DCP2: variants seen among roughly 807,000 people sequenced by gnomAD.
DCP2 encodes decapping mRNA 2.
DCP2 carries 30 observed loss-of-function variants against 56.1 expected under a neutral mutation model. The observed-to-expected ratio is 0.53, with a 90% CI of 0.40 to 0.73. The LOEUF is 0.73. Ranked by LOEUF, DCP2 falls within the 30% of genes least tolerant of loss-of-function variation. DCP2 has a pLI of 0.00. For synonymous variants in DCP2, 197 were observed against 163.3 expected (o/e 1.21, Z -1.57); for missense variants, 533 against 502.7 (o/e 1.06, Z -0.58).
At chr5:112,980,959 C>G (rs1207068797) in intron 1 of DCP2, among the ~76,000 whole-genome samples, 1 of 151,360 alleles carries the variant, frequency 6.6e-6, no homozygotes, top group African/African-American at 2.4e-5. Flanking sequence ...CACTATTGCC[C>G]CCATCTTACT....
chr5:113,017,485 G>A lies in DCP2; in HGVS notation c.*4001G>A, dbSNP rs1403146755. On this transcript the variant is annotated 3_prime_UTR_variant, in exon 11 of 11. Coordinates refer to ENST00000389063, the MANE Select transcript of DCP2 (RefSeq NM_152624.6). ...TCTAGTTGCCAAAAGTTCTAAAAAT[G>A]AGATGGTGGGCTTTCTCAGCATCTT... The A allele has an allele frequency of 2.0e-5, 3 of 152,160 alleles. No individual in the cohort carries two copies. Among genetic ancestry groups the A allele is most frequent in the Non-Finnish European group, 4.4e-5 (3 of 68,024 alleles). 9.4% of individuals were successfully genotyped at this position (152,160 alleles called of 1,614,324 possible).
At chr5:112,989,685 A>G (rs1748491701) in intron 2 of DCP2, among the ~76,000 whole-genome samples, 1 of 152,236 alleles carries the variant, frequency 6.6e-6, no homozygotes, top group Admixed American at 6.5e-5. Context: ...AACTGCCATC[A>G]TACCCTTCAT....
At chr5:113,000,606 G>C (rs2150183308) in intron 4 of DCP2, among the ~76,000 whole-genome samples, 1 of 152,254 alleles carries the variant, frequency 6.6e-6, no homozygotes, top group African/African-American at 2.4e-5. Flanking sequence ...TCAAGCAGTA[G>C]ATTAGACCTT....
intron 4 of DCP2, among the ~76,000 whole-genome samples, chr5:112,995,181 A>G (rs1748792568): frequency 6.6e-6 from 1 of 152,208 alleles, no homozygotes; most frequent in Non-Finnish European, 1.5e-5. Context: ...TATTTACAAC[A>G]GCCTATAGAC....
At chr5:113,002,491 C>T (rs566452688) in intron 7 of DCP2, among the ~76,000 whole-genome samples, 92 of 151,762 alleles carry the variant, frequency 6.1e-4, no homozygotes, top group South Asian at 5.2e-3. Context: ...GGACATAAAC[C>T]GTGAAGAACA....
intron 8 of DCP2, among the ~76,000 whole-genome samples, chr5:113,004,476 T>C (rs1245105227): frequency 6.6e-6 from 1 of 152,252 alleles, no homozygotes; most frequent in East Asian, 1.9e-4. Context: ...TAATACTTGT[T>C]TTCCTTTTTT....
chr5:112,992,049 TGG>T, intron 2 of DCP2, 70 bp from the exon 3 acceptor site: 1 of 1,550,350 alleles, frequency 6.5e-7, no homozygotes, highest in Non-Finnish European at 8.8e-7. Context: ...TTGATTTAAA[TGG>T]GTCTCTTTCT....
intron 2 of DCP2, among the ~76,000 whole-genome samples, chr5:112,989,763 A>T (rs1748495925): frequency 6.6e-6 from 1 of 152,184 alleles, no homozygotes; most frequent in Non-Finnish European, 1.5e-5. Flanking sequence ...ATTTTTCAAG[A>T]CTGCTGTGAA....
At position 113,013,493 on chromosome 5, in the gene DCP2, C is replaced by G. The variant is rs764522478; in HGVS notation, c.*9C>G. ...AAATCTTGGACCTTTGATAGCAGCA[C>G]ATGTATTGTAAATGTCCCAGGATCA... On this transcript the variant is annotated 3_prime_UTR_variant, in exon 11 of 11. Coordinates refer to ENST00000389063, the MANE Select transcript of DCP2 (RefSeq NM_152624.6). 2 of 1,613,438 alleles carry G rather than the reference C, an allele frequency of 1.2e-6. No individual in the cohort carries two copies. Among genetic ancestry groups the G allele is most frequent in the Non-Finnish European group, 1.7e-6 (2 of 1,179,736 alleles).
chr5:113,000,984 C>A, intron 4 of DCP2, 100 bp from the exon 5 acceptor site: 2 of 1,140,628 alleles, frequency 1.8e-6, no homozygotes, highest in South Asian at 1.7e-5. Flanking sequence ...AAATACAAGT[C>A]ATGTCCCCTT....
At chr5:113,001,883 C>G (rs564390287) in intron 7 of DCP2, among the ~76,000 whole-genome samples, 12 of 152,102 alleles carry the variant, frequency 7.9e-5, no homozygotes, top group African/African-American at 2.9e-4. Context: ...CTTCAGGCAC[C>G]TTTTAAAATA....
In DCP2 at chr5:113,013,723, T is replaced by A. The variant is rs1749773490; in HGVS notation, c.*239T>A. 4 of 410,774 alleles carry A rather than the reference T, an allele frequency of 9.7e-6. No homozygotes were observed. The highest frequency in any genetic ancestry group is 1.1e-4 in the South Asian group (2 of 18,918). 25.4% of individuals were successfully genotyped at this position (410,774 alleles called of 1,614,324 possible). A position where few individuals can be genotyped will look rare whatever the true frequency, so the allele number is the denominator to read the frequency against. On this transcript the variant is annotated 3_prime_UTR_variant, in exon 11 of 11. Coordinates refer to ENST00000389063, the MANE Select transcript of DCP2 (RefSeq NM_152624.6). Reference sequence around the variant, plus strand: ...TCAGTACAAGTTTAAGTTGCTTTCTTTGAGGGCATTTATTCTGTGTGACTG... The same window carrying A: ...TCAGTACAAGTTTAAGTTGCTTTCTATGAGGGCATTTATTCTGTGTGACTG...
chr5:113,012,735 C>T (rs1749729146), intron 10 of DCP2, among the ~76,000 whole-genome samples: 1 of 152,206 alleles, frequency 6.6e-6, no homozygotes, highest in Non-Finnish European at 1.5e-5. Flanking sequence ...CCTCCGCCTC[C>T]TGGGTACAAG....
Position 112,999,226 on chromosome 5 carries a change from C to G in DCP2, c.433-1858C>G, listed in dbSNP as rs75042438. Among the ~76,000 whole-genome samples the G allele has an allele frequency of 2.0e-3, 302 of 152,248 alleles. 6 individuals carry two copies. Among genetic ancestry groups the G allele is most frequent in the African/African-American group, 6.9e-3 (285 of 41,546 alleles). The stretch of plus-strand genomic sequence containing the variant: ...AGATTCATATGACTAGCTATGTATA[C>G]TTATTTCTGATTTTTGAGGCATTAT... On this transcript the variant is annotated intron_variant, in intron 4 of 10. Coordinates refer to ENST00000389063, the MANE Select transcript of DCP2 (RefSeq NM_152624.6).
chr5:112,982,264 C>G (rs564584278), intron 1 of DCP2, among the ~76,000 whole-genome samples: 1 of 152,130 alleles, frequency 6.6e-6, no homozygotes, highest in Non-Finnish European at 1.5e-5. Context: ...ATCATACTTT[C>G]GACAGAATCC....
chr5:113,011,383 C>T lies in DCP2; in HGVS notation c.1099+576C>T, dbSNP rs574504557. On this transcript the variant is annotated intron_variant, in intron 10 of 10. Coordinates refer to ENST00000389063, the MANE Select transcript of DCP2 (RefSeq NM_152624.6). ...TGAAAACTAGGTGTGTTGTCTGATT[C>T]GGAAAGTAATCCTGGTGAATGTAGA... 1.3e-4 allele frequency among the ~76,000 whole-genome samples: 20 copies of T among 152,258 alleles called. No homozygotes were observed. In the South Asian group the frequency reaches 2.1e-3, roughly 16 times the overall value.
intron 9 of DCP2, chr5:113,008,297 C>T (rs917207918): frequency 3.2e-6 from 1 of 313,544 alleles, no homozygotes; most frequent in African/African-American, 2.1e-5. Flanking sequence ...AATGTGTACT[C>T]AAACCTGTTC....
intron 4 of DCP2, among the ~76,000 whole-genome samples, chr5:113,000,597 C>T (rs1031937781): frequency 6.6e-6 from 1 of 152,114 alleles, no homozygotes; most frequent in African/African-American, 2.4e-5. Flanking sequence ...AGCTCTATCT[C>T]AAGCAGTAGA....
At chr5:112,986,219 A>C (rs1748279166) in intron 2 of DCP2, among the ~76,000 whole-genome samples, 1 of 152,304 alleles carries the variant, frequency 6.6e-6, no homozygotes, top group South Asian at 2.1e-4. Context: ...TACACTGATT[A>C]AATTTTATTT....
Sources: allele counts gnomAD v4.1 joint callset (sites outside exome capture counted in the v4.1 genomes callset), GRCh38; gene constraint gnomAD v4.1.1; transcripts MANE v1.5; gene names NCBI Gene and HGNC (gene_info 2026-07-23, HGNC 2026-07-21).